The following ALPK3 variants were observed in gnomAD, a reference collection of about 807,000 sequenced individuals.
ALPK3 encodes alpha-protein kinase 3.
Under a neutral mutation model 140.0 loss-of-function variants are expected in ALPK3, and 102 were observed. That is an observed-to-expected ratio of 0.73 (90% confidence interval 0.62 to 0.86). The LOEUF is 0.86. Ranked by LOEUF, ALPK3 falls within the 40% of genes least tolerant of loss-of-function variation. The pLI, the probability that ALPK3 is intolerant of heterozygous loss-of-function variation, is 0.00. For synonymous variants in ALPK3, 938 were observed against 898.5 expected, an observed-to-expected ratio of 1.04 and a Z score of -0.79; for missense variants, 2,254 against 2,208.2, an observed-to-expected ratio of 1.02 and a Z score of -0.42.
chr15:84,838,904 G>A (rs1963624342), intron 3 of ALPK3, 76 bp from the exon 4 acceptor site: 5 of 1,310,862 alleles, frequency 3.8e-6, no homozygotes, highest in South Asian at 2.4e-5. Context: ...TTACAGGCGT[G>A]AGCCACCGTG....
Position 84,856,415 on chromosome 15 carries a change from G to A in ALPK3, c.1677G>A (p.Thr559=), listed in dbSNP as rs781426999. ...AGGTCCTGGAATGCCAGACAACCAC[G>A]GCTCCTACCATGTCGGCCAGCAGCA... ...PGEVLECQTT[T]APTMSASSSS... The change falls in exon 6 of 14, where the codon ACG becomes ACA. Residue 559 remains threonine (T), a synonymous_variant. Transcript: ENST00000258888. 3.1e-6 allele frequency: 5 copies of A among 1,604,182 alleles called. No individual in the cohort carries two copies. The highest frequency in any genetic ancestry group is 2.2e-5 in the East Asian group (1 of 44,828).
intron 12 of ALPK3, among the ~76,000 whole-genome samples, chr15:84,867,103 A>C (rs1356924316): frequency 3.3e-5 from 5 of 151,858 alleles, no homozygotes; most frequent in Admixed American, 3.3e-4. Flanking sequence ...ATGCTGTGAG[A>C]CAGGCTGGTG....
rs762110595 is a variant in ALPK3, at chr15:84,862,634, G to A, written c.4130-1G>A. On this transcript the variant is annotated splice_acceptor_variant, in intron 9 of 13. Transcript: ENST00000258888. LOFTEE classifies it high-confidence loss of function. ...CCCACATTTCTCCTGTTCCCCTTCA[G>A]TTGGAGAAGAGATTGAGATGACCCC... 16 of 1,603,224 alleles carry A rather than the reference G, an allele frequency of 1.0e-5. No homozygotes were observed. Among genetic ancestry groups the A allele is most frequent in the Non-Finnish European group, 1.4e-5 (16 of 1,172,258 alleles).
intron 12 of ALPK3, among the ~76,000 whole-genome samples, chr15:84,866,166 A>T (rs919870793): frequency 1.3e-5 from 2 of 152,230 alleles, no homozygotes; most frequent in African/African-American, 4.8e-5. Context: ...ACCTGCTGCA[A>T]ACTAAAATTC....
chr15:84,833,623 C>T (rs1490627271), intron 3 of ALPK3, among the ~76,000 whole-genome samples: 1 of 152,198 alleles, frequency 6.6e-6, no homozygotes, highest in Non-Finnish European at 1.5e-5. Flanking sequence ...CTAAACAAGG[C>T]TAGGATGAGT....
chr15:84,850,879 T>TATATATACAC (rs144798232), intron 5 of ALPK3, among the ~76,000 whole-genome samples: 4 of 142,366 alleles, frequency 2.8e-5, no homozygotes, highest in South Asian at 4.5e-4. Flanking sequence ...GTTCCAGATA[T>TATATATACAC]ACACACACAC....
In ALPK3 at chr15:84,840,175, C is replaced by T. The variant is rs144518681; in HGVS notation, c.896C>T (p.Ala299Val). 6.2e-7 allele frequency: 1 copy of T among 1,613,594 alleles called. No homozygotes were observed. Among genetic ancestry groups the T allele is most frequent in the Non-Finnish European group, 8.5e-7 (1 of 1,179,896 alleles). The change falls in exon 5 of 14, where the codon GCC (alanine) becomes GTC (valine). Residue 299 changes from alanine (A) to valine (V), a missense_variant. Ala to Val is a moderately conservative substitution (Grantham distance 64). Coordinates refer to ENST00000258888, the MANE Select transcript of ALPK3 (RefSeq NM_020778.5). ...GGCTTGCTGACATACATCTGTGACG[C>T]CATGGAGCTGGGGCCTCAGAGAGCC... ...EHGLLTYICD[A>V]MELGPQRALK...
At chr15:84,863,003 C>G (rs112618518) in intron 10 of ALPK3, 88 bp downstream of exon 10, 2 of 1,523,312 alleles carry the variant, frequency 1.3e-6, no homozygotes, top group African/African-American at 2.7e-5. Flanking sequence ...TGCCCAGTAT[C>G]GAGGCAGAAG....
intron 5 of ALPK3, among the ~76,000 whole-genome samples, chr15:84,847,062 A>G (rs1299789959): frequency 6.6e-6 from 1 of 152,166 alleles, no homozygotes; most frequent in East Asian, 1.9e-4. Flanking sequence ...ATAACTGAAT[A>G]AAAAGACTTA....
intron 3 of ALPK3, among the ~76,000 whole-genome samples, chr15:84,831,593 GTT>G (rs1210043261): frequency 6.6e-6 from 1 of 152,184 alleles, no homozygotes; most frequent in African/African-American, 2.4e-5. Context: ...ATTAATGATA[GTT>G]TTCTAAAAGC....
chr15:84,853,884 C>T (rs767581452), intron 5 of ALPK3, among the ~76,000 whole-genome samples: 29 of 151,788 alleles, frequency 1.9e-4, no homozygotes, highest in Non-Finnish European at 4.0e-4. Context: ...TGCAGTAGCT[C>T]ACACCTATAA....
chr15:84,839,413 G>A (rs988462210), intron 4 of ALPK3, among the ~76,000 whole-genome samples: 3 of 152,234 alleles, frequency 2.0e-5, no homozygotes, highest in Non-Finnish European at 2.9e-5. Flanking sequence ...GACTTCACGA[G>A]GGGCTGTGTT....
At chr15:84,827,460 T>G (rs965844754) in intron 2 of ALPK3, 24 bp from the exon 3 acceptor site, 2 of 1,613,594 alleles carry the variant, frequency 1.2e-6, no homozygotes, top group Non-Finnish European at 1.7e-6. Flanking sequence ...AGGCCAGCTC[T>G]GAATAGCTCT....
intron 1 of ALPK3, among the ~76,000 whole-genome samples, chr15:84,819,333 G>A (rs148317432): frequency 1.7e-4 from 26 of 152,346 alleles, no homozygotes; most frequent in African/African-American, 6.0e-4. Context: ...AGGAGTGGGA[G>A]AAAGCTTTGG....
At chr15:84,850,877 T>TACAC (rs1190685778) in intron 5 of ALPK3, among the ~76,000 whole-genome samples, 50 of 90,422 alleles carry the variant, frequency 5.5e-4, no homozygotes, top group East Asian at 2.4e-3. Context: ...CAGTTCCAGA[T>TACAC]ATACACACAC....
In ALPK3 at chr15:84,868,612, C is replaced by T. The variant is rs779136112; in HGVS notation, c.*156C>T. On this transcript the variant is annotated 3_prime_UTR_variant, in exon 14 of 14. Coordinates refer to ENST00000258888, the MANE Select transcript of ALPK3 (RefSeq NM_020778.5). ...CTGAGCAGGCTCTCGTGAATCAGCT[C>T]GTCATCAGATGGCTTTGGTGCATGG... is the stretch of plus-strand genomic sequence containing the variant. The T allele has an allele frequency of 6.2e-5, 46 of 737,130 alleles. No homozygotes were observed. Among genetic ancestry groups the T allele is most frequent in the Non-Finnish European group, 9.3e-5 (43 of 463,278 alleles). The allele number at this position is 737,130 out of a possible 1,614,324, so 45.7% of individuals were successfully genotyped here.
chr15:84,867,319 G>T lies in ALPK3; in HGVS notation c.4726G>T (p.Val1576Phe). The change falls in exon 13 of 14, where the codon GTT becomes TTT. Residue 1576 changes from valine to phenylalanine, a missense_variant and splice_region_variant. By Grantham distance (50) the Val-to-Phe change is conservative. This residue lies in a region of ALPK3 where 158 missense variants were observed against 159.8 expected (regional missense o/e 0.99). Transcript: ENST00000258888. The stretch of plus-strand genomic sequence containing the variant: ...CTCCCAACTTTCTCTCTTTTCAGGG[G>T]TTGACTGGAAGATGACTGATGTGCA... ...GSFLVTDLAG[V>F]DWKMTDVQIA... 2 of 1,613,950 alleles carry T rather than the reference G, an allele frequency of 1.2e-6. No individual in the cohort carries two copies. Among genetic ancestry groups the T allele is most frequent in the Non-Finnish European group, 1.7e-6 (2 of 1,179,936 alleles).
intron 12 of ALPK3, among the ~76,000 whole-genome samples, chr15:84,866,133 T>TA (rs1310431088): frequency 1.3e-5 from 2 of 152,184 alleles, no homozygotes; most frequent in Non-Finnish European, 2.9e-5. Context: ...TCATGAGGAT[T>TA]AAGTGAGACC....
rs540482557 is a variant in ALPK3 at position 84,841,466 on chromosome 15, G to A, written c.1653+534G>A. ...CTGCCTTAACATGGCGTGATCTAGA[G>A]CAAGTTGTAAAACTGGAAGAATAAT... On this transcript the variant is annotated intron_variant, in intron 5 of 13. Coordinates refer to ENST00000258888, the MANE Select transcript of ALPK3 (RefSeq NM_020778.5). Among the ~76,000 whole-genome samples the A allele has an allele frequency of 8.5e-5, 13 of 152,344 alleles. No homozygotes were observed. The South Asian group carries it at 2.5e-3, about 29-fold the overall frequency.
Sources: gnomAD v4.1 joint callset for allele counts (sites outside exome capture counted in the v4.1 genomes callset) on GRCh38, gnomAD v4.1.1 for gene constraint, gnomAD v4.1.1 regional missense constraint, MANE v1.5 for transcripts, NCBI Gene and HGNC (gene_info 2026-07-23, HGNC 2026-07-21) for gene names.